TIAM2: variants seen among roughly 807,000 people sequenced by gnomAD.
The protein encoded by TIAM2 is TIAM Rac1 associated GEF 2.
In TIAM2, 80 loss-of-function variants were observed where a neutral mutation model predicts 152.9. That is an observed-to-expected ratio of 0.52 (90% CI 0.44 to 0.63). The LOEUF (loss-of-function observed/expected upper bound fraction) is 0.63, where lower values mean the gene tolerates loss of function less well. Among genes scored for constraint, TIAM2 ranks in the 30% least tolerant of loss-of-function variants. The pLI is 0.00. For missense variants in TIAM2, 1,965 were observed against 2,120.1 expected, an observed-to-expected ratio of 0.93 and a Z score of 1.44; for synonymous variants, 804 against 838.0, an observed-to-expected ratio of 0.96 and a Z score of 0.70.
chr6:155,245,706 C>G lies in TIAM2; in HGVS notation c.3627C>G (p.Ile1209Met), dbSNP rs1026235861. 1.2e-6 allele frequency: 2 copies of G among 1,603,376 alleles called. No individual in the cohort carries two copies. The highest frequency in any genetic ancestry group is 1.7e-6 in the Non-Finnish European group (2 of 1,172,850). Residue 1209 changes from isoleucine to methionine, a missense_variant, in exon 19 of 27, where the codon ATC becomes ATG. By Grantham distance (10) the Ile-to-Met change is conservative. Coordinates refer to ENST00000682666, the MANE Select transcript of TIAM2 (RefSeq NM_012454.4). ...KLYSGFCANH[I>M]KVQKVLERAK... ...ACAGTGGATTCTGTGCTAACCATAT[C>G]AAAGTACAGAAGGTTCTGGAGCGAG...
intron 1 of TIAM2, among the ~76,000 whole-genome samples, chr6:155,077,180 AT>A (rs773101084): frequency 4.5e-3 from 653 of 144,610 alleles, no homozygotes; most frequent in Middle Eastern, 0.011. Flanking sequence ...GTGATAAGTA[AT>A]TTTTTTTTTT....
chr6:155,156,614 C>T lies in TIAM2; in HGVS notation c.2029-7801C>T, dbSNP rs1780122349. ...CAGAGGTTTCCATGAGCTGAGATCA[C>T]ACCATTGCACTCCAGCCTGGGCAAC... On this transcript the variant is annotated intron_variant, in intron 7 of 26. Coordinates refer to ENST00000682666, the MANE Select transcript of TIAM2 (RefSeq NM_012454.4). The surrounding 1 kb of genome is among the most constrained non-coding windows in gnomAD (Gnocchi z 4.4). Among the ~76,000 whole-genome samples the T allele has an allele frequency of 6.6e-6, 1 of 152,120 alleles. No individual in the cohort carries two copies. Among genetic ancestry groups the T allele is most frequent in the South Asian group, 2.1e-4 (1 of 4,824 alleles).
chr6:155,239,004 CTT>C (rs1346538253), intron 15 of TIAM2, among the ~76,000 whole-genome samples: 1 of 152,142 alleles, frequency 6.6e-6, no homozygotes, highest in African/African-American at 2.4e-5. Flanking sequence ...AGAGTGGCCT[CTT>C]TTTATTTTGG....
chr6:155,048,093 C>T (rs192852988), intron 1 of TIAM2, among the ~76,000 whole-genome samples: 320 of 152,142 alleles, frequency 2.1e-3, no homozygotes, highest in African/African-American at 6.5e-3. Flanking sequence ...GCTGGGACTA[C>T]AGGCATGTGC....
chr6:155,049,984 A>G (rs112862304), intron 1 of TIAM2, among the ~76,000 whole-genome samples: 1,746 of 152,272 alleles, frequency 0.011, 20 homozygotes, highest in African/African-American at 0.025. Flanking sequence ...TGAGAGTACA[A>G]ATATTTTTGC....
In TIAM2 at chr6:155,216,721, T is replaced by A. The variant is rs1781869097; in HGVS notation, c.3168+5414T>A. The stretch of plus-strand genomic sequence containing the variant: ...GTATATTAAGCAGTCCCCACAGACA[T>A]GCTGCCTGCACTCCACCTGCTGAGC... On this transcript the variant is annotated intron_variant, in intron 15 of 26. Transcript: ENST00000682666. 6 of 221,450 alleles carry A rather than the reference T, an allele frequency of 2.7e-5. No individual in the cohort carries two copies. The South Asian group carries it at 4.0e-4, about 15-fold the overall frequency. The allele number at this position is 221,450 out of a possible 1,614,324, so 13.7% of individuals were successfully genotyped here.
chr6:155,203,378 A>G (rs776733908), intron 14 of TIAM2, among the ~76,000 whole-genome samples: 2 of 152,212 alleles, frequency 1.3e-5, no homozygotes, highest in Non-Finnish European at 2.9e-5. Context: ...TTGATTCTCT[A>G]CGAGTTTTTC....
intron 1 of TIAM2, among the ~76,000 whole-genome samples, chr6:155,045,529 G>A (rs534321703): frequency 1.3e-5 from 2 of 151,714 alleles, no homozygotes; most frequent in East Asian, 1.9e-4. Flanking sequence ...ATTTTCTTTC[G>A]AACATGAAAG....
Position 154,995,954 on chromosome 6 carries a change from G to A in TIAM2, c.-209+462G>A, listed in dbSNP as rs1226816327. 6.6e-6 allele frequency among the ~76,000 whole-genome samples: 1 copy of A among 152,182 alleles called. No individual in the cohort carries two copies. The highest frequency in any genetic ancestry group is 1.5e-5 in the Non-Finnish European group (1 of 68,024). On this transcript the variant is annotated intron_variant, in intron 1 of 26. Transcript: ENST00000682666. The surrounding 1 kb of genome is among the most constrained non-coding windows in gnomAD (Gnocchi z 5.2). ...GGCGACCTCGGAGCCTCAGAAAGGC[G>A]CTGCGGCGAAGCAGGATCCCAGGCG... is the stretch of plus-strand genomic sequence containing the variant.
At chr6:155,080,220 A>T (rs1031135372) in intron 1 of TIAM2, among the ~76,000 whole-genome samples, 3 of 147,202 alleles carry the variant, frequency 2.0e-5, no homozygotes, top group Admixed American at 6.9e-5. Flanking sequence ...TGATGTCCAT[A>T]CCGCTGACAC....
chr6:155,162,807 G>A (rs139390948), intron 7 of TIAM2, among the ~76,000 whole-genome samples: 3 of 152,198 alleles, frequency 2.0e-5, no homozygotes, highest in African/African-American at 7.2e-5. Context: ...GCTAATAGGG[G>A]TATACAGGAT....
rs11455127 is a variant in TIAM2, at chr6:155,257,190, C to CA, written c.*90dup. On this transcript the variant is annotated 3_prime_UTR_variant, in exon 27 of 27. Transcript: ENST00000682666. ...TAAACTGGTGGTAAAGTGGAAATTG[C>CA]AAAAAAAAAAAAAAAAAAAAACTGT... 45,145 of 538,734 alleles carry CA rather than the reference C, an allele frequency of 0.084. 302 individuals are homozygous for CA. The highest frequency in any genetic ancestry group is 0.11 in the African/African-American group (4,369 of 38,736). The allele number at this position is 538,734 out of a possible 1,614,324, so 33.4% of individuals were successfully genotyped here.
At position 155,156,269 on chromosome 6, in the gene TIAM2, ACTCT is replaced by A. The variant is rs1358582079; in HGVS notation, c.2028+7939_2028+7942del. ...GACAGGGGAAGTAGGACTGTCTGTCACTCTCTCCTCCCGGTACCACTGCAGAAGC... is the reference window on the plus strand; with the variant it reads ...GACAGGGGAAGTAGGACTGTCTGTCACTCCTCCCGGTACCACTGCAGAAGC... On this transcript the variant is annotated intron_variant, in intron 7 of 26. Coordinates refer to ENST00000682666, the MANE Select transcript of TIAM2 (RefSeq NM_012454.4). The surrounding 1 kb of genome is among the most constrained non-coding windows in gnomAD (Gnocchi z 4.4). Among the ~76,000 whole-genome samples, 1 of 151,710 alleles carries A rather than the reference ACTCT, an allele frequency of 6.6e-6. No homozygotes were observed. Among genetic ancestry groups the A allele is most frequent in the Non-Finnish European group, 1.5e-5 (1 of 67,906 alleles).
Position 155,148,167 on chromosome 6 carries a change from T to A in TIAM2, c.1861T>A (p.Ser621Thr), listed in dbSNP as rs1418413255. 1.9e-6 allele frequency: 3 copies of A among 1,613,554 alleles called. No individual in the cohort carries two copies. Among genetic ancestry groups the A allele is most frequent in the African/African-American group, 1.3e-5 (1 of 74,844 alleles). ...CACTGCTGTACACTCTGCTTGTGCA[T>A]CCCTTTTTGCAAAGAAGCATGGGAA... ...WVTAVHSACA[S>T]LFAKKHGKED... The change falls in exon 7 of 27, where the codon TCC (serine) becomes ACC (threonine). Residue 621 changes from serine to threonine, a missense_variant. Around this residue, in one of 3 missense-constraint regions of TIAM2, gnomAD observed 1,025 missense variants for 1,119.4 expected, o/e 0.92. Coordinates refer to ENST00000682666, the MANE Select transcript of TIAM2 (RefSeq NM_012454.4).
At chr6:155,111,473 A>G (rs1778848149) in intron 2 of TIAM2, among the ~76,000 whole-genome samples, 1 of 152,246 alleles carries the variant, frequency 6.6e-6, no homozygotes, top group African/African-American at 2.4e-5. Flanking sequence ...TTTTTAAGAA[A>G]TGTCACAGTG....
At chr6:155,072,211 T>G (rs1777854202) in intron 1 of TIAM2, among the ~76,000 whole-genome samples, 1 of 152,186 alleles carries the variant, frequency 6.6e-6, no homozygotes, top group African/African-American at 2.4e-5. Context: ...GGTTTCAAAC[T>G]CGAGCATAAC....
chr6:155,254,177 C>A (rs1416974678), intron 25 of TIAM2, 117 bp downstream of exon 25: 2 of 1,202,136 alleles, frequency 1.7e-6, no homozygotes, highest in Admixed American at 2.6e-5. Flanking sequence ...ATACTCCCCA[C>A]CCTCCGAAAA....
At chr6:155,028,334 AAT>A (rs201351240) in intron 1 of TIAM2, among the ~76,000 whole-genome samples, 2 of 69,492 alleles carry the variant, frequency 2.9e-5, no homozygotes, top group Non-Finnish European at 5.8e-5. Context: ...TACTACATAT[AAT>A]ATATACTGTG....
At chr6:155,028,622 A>AATATATATACTGTGTTATATATATACTAC (rs1776695897) in intron 1 of TIAM2, among the ~76,000 whole-genome samples, 2 of 98,150 alleles carry the variant, frequency 2.0e-5, no homozygotes, top group Non-Finnish European at 2.0e-5. Context: ...TACTACATAT[A>AATATATATACTGTGTTATATATATACTAC]ATATATATAC....
Sources: allele counts gnomAD v4.1 joint callset (sites outside exome capture counted in the v4.1 genomes callset), GRCh38; gene constraint gnomAD v4.1.1; regional missense constraint gnomAD v4.1.1; non-coding constraint Gnocchi (gnomAD v3.1); transcripts MANE v1.5; gene names NCBI Gene and HGNC (gene_info 2026-07-23, HGNC 2026-07-21).